The following MUC5B variants were observed in gnomAD, a reference collection of about 807,000 sequenced individuals.
MUC5B encodes mucin-5B.
Under a neutral mutation model 376.9 loss-of-function variants are expected in MUC5B, and 116 were observed. That is an observed-to-expected ratio of 0.31 (90% CI 0.26 to 0.36). The LOEUF (loss-of-function observed/expected upper bound fraction) is 0.36, where lower values mean the gene tolerates loss of function less well. Among genes scored for constraint, MUC5B ranks in the 10% least tolerant of loss-of-function variants. MUC5B has a pLI of 1.00. For missense variants in MUC5B, 7,165 were observed against 7,769.9 expected (o/e 0.92, Z 2.93); for synonymous variants, 3,517 against 3,390.9 (o/e 1.04, Z -1.29).
chr11:1,240,821 G>T (rs1862263457), intron 30 of MUC5B, 30 bp from the exon 31 acceptor site: 1 of 1,573,850 alleles, frequency 6.4e-7, no homozygotes, highest in South Asian at 1.2e-5. Context: ...AGGATGCTGA[G>T]CCAGGACCCC....
In MUC5B at chr11:1,253,032, G is replaced by A. The variant is rs747541339; in HGVS notation, c.15217+52G>A. ...ACCCCGGGGGCAGGTGGAGCAGAGT[G>A]CACCGTCGGCTAGGCTGGCAGAATG... On this transcript the variant is annotated intron_variant, in intron 33 of 48. Coordinates refer to ENST00000529681, the MANE Select transcript of MUC5B (RefSeq NM_002458.3). This position sits in a 1 kb window ranked among gnomAD's most constrained non-coding sequence, Gnocchi z 4.3. The A allele has an allele frequency of 4.6e-5, 73 of 1,594,150 alleles. No individual in the cohort carries two copies. Among genetic ancestry groups the A allele is most frequent in the Non-Finnish European group, 5.8e-5 (68 of 1,169,318 alleles).
rs761871229 is a variant in MUC5B, at chr11:1,254,696, C to G, written c.15480C>G (p.Ile5160Met). ...AGGGTTCCCCTGGATTCCCCCAGAT[C>G]CTGTTTGACCAAATTCCGGTGAGCA... is the stretch of plus-strand genomic sequence containing the variant. The part of the protein sequence containing the change: ...TMVHGKEEGL[I>M]LFDQIPVSSG... The change falls in exon 35 of 49, where the codon ATC becomes ATG. Residue 5160 changes from isoleucine (I) to methionine (M), a missense_variant and splice_region_variant. Coordinates refer to ENST00000529681, the MANE Select transcript of MUC5B (RefSeq NM_002458.3). The G allele has an allele frequency of 6.2e-7, 1 of 1,612,286 alleles. No individual in the cohort carries two copies. Among genetic ancestry groups the G allele is most frequent in the Admixed American group, 1.7e-5 (1 of 59,980 alleles).
Position 1,231,304 on chromosome 11 carries a change from C to T in MUC5B, c.1541-119C>T, listed in dbSNP as rs534026884. ...GGGAGCCTGAGGGCTCCTGGCCACT[C>T]CTGGGTCTCACTCCCGGGTCTCAGT... On this transcript the variant is annotated intron_variant, in intron 13 of 48. Coordinates refer to ENST00000529681, the MANE Select transcript of MUC5B (RefSeq NM_002458.3). 151 of 1,274,290 alleles carry T rather than the reference C, an allele frequency of 1.2e-4. 3 individuals are homozygous for T. The South Asian group carries it at 2.3e-3, about 20-fold the overall frequency. 78.9% of individuals were successfully genotyped at this position (1,274,290 alleles called of 1,614,324 possible).
chr11:1,240,430 C>G lies in MUC5B; in HGVS notation c.3970+55C>G, dbSNP rs564136959. ...AGTACCGTCTGGGTGACAAGGAGGA[C>G]CCCCTGGGCTCTTAGTGCAGGTGCC... On this transcript the variant is annotated intron_variant, in intron 30 of 48. Transcript: ENST00000529681. 4 of 1,479,526 alleles carry G rather than the reference C, an allele frequency of 2.7e-6. No homozygotes were observed. In the African/African-American group the frequency reaches 4.2e-5, roughly 16 times the overall value. The allele number at this position is 1,479,526 out of a possible 1,614,324, so 91.6% of individuals were successfully genotyped here. A position where few individuals can be genotyped will look rare whatever the true frequency, so the allele number is the denominator to read the frequency against.
In MUC5B at chr11:1,241,124, C is replaced by T. The variant is rs367802099; in HGVS notation, c.4244C>T (p.Pro1415Leu). 2.7e-5 allele frequency: 44 copies of T among 1,611,552 alleles called. No homozygotes were observed. The highest frequency in any genetic ancestry group is 3.5e-5 in the Non-Finnish European group (41 of 1,179,136). Residue 1415 changes from proline to leucine, a missense_variant, in exon 31 of 49, where the codon CCG becomes CTG. Pro to Leu is a moderately conservative substitution (Grantham distance 98, BLOSUM62 -3). Transcript: ENST00000529681. ...TGCGCCAACAGCCAACAGAGTCCCCCGCTCTGTCACGACTACGAGCTGCGG... is the reference window on the plus strand; with the variant it reads ...TGCGCCAACAGCCAACAGAGTCCCCTGCTCTGTCACGACTACGAGCTGCGG... ...LMCANSQQSP[P>L]LCHDYELRVL...
In MUC5B at chr11:1,241,208, A is replaced by G. The variant is rs201158667; in HGVS notation, c.4328A>G (p.Gln1443Arg). ...TCCCCGGCCCCAGGCACCAGCCCTC[A>G]GCCCTCCCTCAGTGCCAGCACGGAG... ...GPSPAPGTSP[Q>R]PSLSASTEPA... The change falls in exon 31 of 49, where the codon CAG becomes CGG. Residue 1443 changes from glutamine to arginine, a missense_variant. Gln to Arg is a conservative substitution (Grantham distance 43, BLOSUM62 1). This residue lies in a region of MUC5B where 517 missense variants were observed against 545.3 expected (regional missense o/e 0.95). Transcript: ENST00000529681. 4.0e-4 allele frequency: 637 copies of G among 1,593,588 alleles called. 6 individuals are homozygous for G. In the African/African-American group the frequency reaches 7.7e-3, roughly 19 times the overall value.
chr11:1,236,865 G>A (rs1023740400), intron 24 of MUC5B, 60 bp from the exon 25 acceptor site: 5 of 1,396,682 alleles, frequency 3.6e-6, no homozygotes, highest in South Asian at 1.7e-5. Flanking sequence ...GCTCTGTGCT[G>A]CCTCCCACGG....
Position 1,245,109 on chromosome 11 carries a change from C to A in MUC5B, c.8229C>A (p.His2743Gln). 5.8e-6 allele frequency: 9 copies of A among 1,539,282 alleles called. 1 individual carries two copies. Among genetic ancestry groups the A allele is most frequent in the Non-Finnish European group, 7.0e-6 (8 of 1,139,650 alleles). The change falls in exon 31 of 49, where the codon CAC becomes CAA. Residue 2743 changes from histidine to glutamine, a missense_variant. Physicochemically the swap from His to Gln is conservative, Grantham distance 24. Around this residue, in one of 31 missense-constraint regions of MUC5B, gnomAD observed 70 missense variants for 169.1 expected, o/e 0.41. Transcript: ENST00000529681. Reference sequence around the variant, plus strand: ...CCTCCTCTGCCCTAGGGACCACCCACACACCCCCAGTGCCGAACACCACGG... The same window carrying A: ...CCTCCTCTGCCCTAGGGACCACCCAAACACCCCCAGTGCCGAACACCACGG... The part of the protein sequence containing the change: ...VTPSSALGTT[H>Q]TPPVPNTTAT...
chr11:1,248,413 A>C lies in MUC5B; in HGVS notation c.11533A>C (p.Arg3845=). The part of the protein sequence containing the change: ...TVLTTTATTT[R]ATGSVATPSS... ...GCTTACCACCACGGCCACCACAACC[A>C]GGGCCACCGGCTCTGTGGCCACCCC... The change falls in exon 31 of 49, where the codon AGG becomes CGG. Residue 3845 remains arginine, a synonymous_variant. Coordinates refer to ENST00000529681, the MANE Select transcript of MUC5B (RefSeq NM_002458.3). 6.3e-7 allele frequency: 1 copy of C among 1,591,642 alleles called. No individual in the cohort carries two copies. The highest frequency in any genetic ancestry group is 8.6e-7 in the Non-Finnish European group (1 of 1,163,926).
rs201037355 is a variant in MUC5B at position 1,237,043 on chromosome 11, C to T, written c.3176C>T (p.Pro1059Leu). Residue 1059 changes from proline to leucine, a missense_variant, in exon 25 of 49, where the codon CCC becomes CTC. Around this residue, in one of 31 missense-constraint regions of MUC5B, gnomAD observed 143 missense variants for 193.2 expected, o/e 0.74. Coordinates refer to ENST00000529681, the MANE Select transcript of MUC5B (RefSeq NM_002458.3). ...TTTGGGAACAGCTGGAAGCTCTCCC[C>T]CTCCTGCCCGGACGCCCTGGCACCC... The part of the protein sequence containing the change: ...LEFGNSWKLS[P>L]SCPDALAPKD... 2 of 1,579,502 alleles carry T rather than the reference C, an allele frequency of 1.3e-6. No homozygotes were observed. The highest frequency in any genetic ancestry group is 8.6e-7 in the Non-Finnish European group (1 of 1,162,092).
Position 1,226,191 on chromosome 11 carries a change from G to T in MUC5B, c.128-14G>T. ...CCTGGCCACGTTCCTGGGGTGACCA[G>T]CCTTCACCCACAGGTGCCCCGACGT... On this transcript the variant is annotated splice_polypyrimidine_tract_variant and intron_variant, in intron 2 of 48. Transcript: ENST00000529681. The T allele has an allele frequency of 6.5e-7, 1 of 1,546,954 alleles. No homozygotes were observed.
chr11:1,228,054 C>T (rs899365988), intron 7 of MUC5B, among the ~76,000 whole-genome samples: 13 of 152,216 alleles, frequency 8.5e-5, no homozygotes, highest in African/African-American at 1.4e-4. Context: ...TCGGGAAGCC[C>T]GGAGCCAGCC....
chr11:1,237,199 G>C (rs752334284), intron 25 of MUC5B, 35 bp downstream of exon 25: 52 of 1,375,298 alleles, frequency 3.8e-5, no homozygotes, highest in Non-Finnish European at 4.7e-5. Flanking sequence ...GGGTCTGGTG[G>C]GGATGGCAGT....
At position 1,228,577 on chromosome 11, in the gene MUC5B, A is replaced by G; in HGVS notation, c.788A>G (p.His263Arg). 6 of 1,526,240 alleles carry G rather than the reference A, an allele frequency of 3.9e-6. No homozygotes were observed. The highest frequency in any genetic ancestry group is 5.3e-6 in the Non-Finnish European group (6 of 1,140,670). 94.5% of individuals were successfully genotyped at this position (1,526,240 alleles called of 1,614,324 possible). A position where few individuals can be genotyped will look rare whatever the true frequency, so the allele number is the denominator to read the frequency against. The change falls in exon 8 of 49, where the codon CAC becomes CGC. Residue 263 changes from histidine (H) to arginine (R), a missense_variant. Around this residue, in one of 31 missense-constraint regions of MUC5B, gnomAD observed 640 missense variants for 733.0 expected, o/e 0.87. Transcript: ENST00000529681. ...GNCTDEEGIC[H>R]RTLLGPAFAE... ...TGTGCTCCCCAGGAGGGCATCTGCC[A>G]CCGCACCCTGCTGGGGCCGGCCTTT...
rs774982148 is a variant in MUC5B at position 1,239,045 on chromosome 11, C to T, written c.3454+18C>T. On this transcript the variant is annotated intron_variant, in intron 26 of 48. Transcript: ENST00000529681. Reference sequence around the variant, plus strand: ...CACCTGCCGTGAGTCGGGCTCTGTCCGTGGTGCTGAAGGGTGGAGCTGCTG... The same window carrying T: ...CACCTGCCGTGAGTCGGGCTCTGTCTGTGGTGCTGAAGGGTGGAGCTGCTG... 8.3e-6 allele frequency: 13 copies of T among 1,568,946 alleles called. No homozygotes were observed. Among genetic ancestry groups the T allele is most frequent in the Non-Finnish European group, 8.6e-6 (10 of 1,158,288 alleles).
At chr11:1,259,486 G>A (rs1176953572) in intron 44 of MUC5B, 1 of 564,762 alleles carries the variant, frequency 1.8e-6, no homozygotes, top group African/African-American at 1.9e-5. Flanking sequence ...AACTGAGGGG[G>A]TCTGGGGGTG....
chr11:1,244,832 C>A lies in MUC5B; in HGVS notation c.7952C>A (p.Ser2651Tyr). Residue 2651 changes from serine (S) to tyrosine (Y), a missense_variant, in exon 31 of 49, where the codon TCC becomes TAC. Ser to Tyr is a moderately radical substitution (Grantham distance 144). This residue lies in a region of MUC5B where 141 missense variants were observed against 111.2 expected (regional missense o/e 1.27). Transcript: ENST00000529681. ...AGAGGTTCCACGGTGACCCCCTCCT[C>A]CATCCCGGGGACCACCCACACCCCC... ...TTRGSTVTPS[S>Y]IPGTTHTPTV... 1 of 1,613,752 alleles carries A rather than the reference C, an allele frequency of 6.2e-7. No homozygotes were observed. The highest frequency in any genetic ancestry group is 8.5e-7 in the Non-Finnish European group (1 of 1,179,786).
chr11:1,229,561 C>A, intron 9 of MUC5B, 129 bp from the exon 10 acceptor site: 1 of 881,950 alleles, frequency 1.1e-6, no homozygotes, highest in Non-Finnish European at 1.7e-6. Context: ...GAGTGCAGCT[C>A]AGGGCGGGGG....
Position 1,244,550 on chromosome 11 carries a change from C to A in MUC5B, c.7670C>A (p.Thr2557Lys), listed in dbSNP as rs550476501. 6.2e-7 allele frequency: 1 copy of A among 1,612,748 alleles called. No individual in the cohort carries two copies. Among genetic ancestry groups the A allele is most frequent in the South Asian group, 1.1e-5 (1 of 90,984 alleles). ...TGGACCCGCCTATCACAGACCACCA[C>A]ACCCACGGCCACCATGTCCACAGCC... ...TTWTRLSQTT[T>K]PTATMSTATP... The change falls in exon 31 of 49, where the codon ACA (threonine) becomes AAA (lysine). Residue 2557 changes from threonine to lysine, a missense_variant. Around this residue, in one of 31 missense-constraint regions of MUC5B, gnomAD observed 194 missense variants for 268.5 expected, o/e 0.72. Coordinates refer to ENST00000529681, the MANE Select transcript of MUC5B (RefSeq NM_002458.3).
Sources: allele counts gnomAD v4.1 joint callset (sites outside exome capture counted in the v4.1 genomes callset), GRCh38; gene constraint gnomAD v4.1.1; regional missense constraint gnomAD v4.1.1; non-coding constraint Gnocchi (gnomAD v3.1); transcripts MANE v1.5; gene names NCBI Gene and HGNC (gene_info 2026-07-23, HGNC 2026-07-21).